Variants in SLC4A4 observed in about 807,000 individuals in gnomAD.
The protein encoded by SLC4A4 is electrogenic sodium bicarbonate cotransporter 1.
In SLC4A4, 27 loss-of-function variants were observed where a neutral mutation model predicts 111.5. The observed-to-expected ratio is 0.24, with a 90% CI of 0.18 to 0.33. The LOEUF (loss-of-function observed/expected upper bound fraction) is 0.33. Among genes scored for constraint, SLC4A4 ranks in the 10% least tolerant of loss-of-function variants. SLC4A4 has a pLI of 1.00. For synonymous variants in SLC4A4, 443 were observed against 463.4 expected (o/e 0.96, Z 0.57); for missense variants, 909 against 1,315.5 (o/e 0.69, Z 4.78).
At chr4:71,209,515 T>C (rs1717998923) in intron 1 of SLC4A4, among the ~76,000 whole-genome samples, 1 of 152,388 alleles carries the variant, frequency 6.6e-6, no homozygotes, top group Non-Finnish European at 1.5e-5. Context: ...CTAATAAAGA[T>C]GTATCATAAA....
intron 24 of SLC4A4, among the ~76,000 whole-genome samples, chr4:71,564,372 A>T (rs1411582333): frequency 2.0e-5 from 3 of 151,902 alleles, no homozygotes; most frequent in Non-Finnish European, 2.9e-5. Flanking sequence ...ATTAGCAATC[A>T]TGAAGTATTA....
At chr4:71,101,592 T>G (rs951462107) in intron 2 of SLC4A4, among the ~76,000 whole-genome samples, 9 of 152,284 alleles carry the variant, frequency 5.9e-5, no homozygotes, top group African/African-American at 2.2e-4. Flanking sequence ...GCAGACTGCC[T>G]CCTCAGGTGG....
At chr4:71,404,311 G>A (rs1218483166) in intron 7 of SLC4A4, among the ~76,000 whole-genome samples, 1 of 152,136 alleles carries the variant, frequency 6.6e-6, no homozygotes, top group Non-Finnish European at 1.5e-5. Context: ...AGTCTTTGTG[G>A]TTCAGAAAGG....
At chr4:71,190,811 A>G (rs1228998758) in intron 1 of SLC4A4, among the ~76,000 whole-genome samples, 2 of 152,226 alleles carry the variant, frequency 1.3e-5, no homozygotes, top group Non-Finnish European at 2.9e-5. Context: ...CAAAGGAGAG[A>G]TAAAACTTTT....
intron 7 of SLC4A4, among the ~76,000 whole-genome samples, chr4:71,426,417 C>T (rs1411053578): frequency 6.6e-6 from 1 of 152,040 alleles, no homozygotes; most frequent in African/African-American, 2.4e-5. Context: ...TCAGATAAGC[C>T]GCCTACTTCC....
intron 2 of SLC4A4, among the ~76,000 whole-genome samples, chr4:71,120,954 A>G (rs1043410331): frequency 5.3e-5 from 8 of 152,202 alleles, no homozygotes; most frequent in Non-Finnish European, 8.8e-5. Flanking sequence ...GAACCAGGGC[A>G]GCACGCCGCC....
intron 1 of SLC4A4, among the ~76,000 whole-genome samples, chr4:71,066,226 C>G (rs2148928056): frequency 6.6e-6 from 1 of 152,274 alleles, no homozygotes; most frequent in South Asian, 2.1e-4. Context: ...AGATTTGAAC[C>G]AGGATCTCTC....
At chr4:71,088,704 C>T (rs1289033293) in intron 1 of SLC4A4, among the ~76,000 whole-genome samples, 2 of 151,932 alleles carry the variant, frequency 1.3e-5, no homozygotes, top group African/African-American at 2.4e-5. Flanking sequence ...GGTGAAAATT[C>T]TTTTCTTTAA....
intron 1 of SLC4A4, among the ~76,000 whole-genome samples, chr4:71,202,285 G>T (rs995077054): frequency 2.0e-5 from 3 of 152,172 alleles, no homozygotes; most frequent in Non-Finnish European, 4.4e-5. Flanking sequence ...TCATGGAGAT[G>T]CAGTCTCTGC....
intron 16 of SLC4A4, among the ~76,000 whole-genome samples, chr4:71,513,436 CT>C (rs1732102423): frequency 6.6e-6 from 1 of 151,920 alleles, no homozygotes; most frequent in African/African-American, 2.4e-5. Context: ...TTGGCTAGAT[CT>C]TGGTGTATAG....
At chr4:71,399,723 A>T (rs1720183988) in intron 7 of SLC4A4, among the ~76,000 whole-genome samples, 1 of 151,730 alleles carries the variant, frequency 6.6e-6, no homozygotes, top group African/African-American at 2.4e-5. Context: ...CTGAAATCTG[A>T]TGTTATCCGT....
intron 1 of SLC4A4, among the ~76,000 whole-genome samples, chr4:71,083,844 A>T (rs750350255): frequency 2.1e-5 from 3 of 141,332 alleles, no homozygotes; most frequent in Non-Finnish European, 4.5e-5. Flanking sequence ...TTGAGGGTTA[A>T]ATGAAATAAT....
At chr4:71,505,362 T>A (rs1731318310) in intron 16 of SLC4A4, among the ~76,000 whole-genome samples, 2 of 152,064 alleles carry the variant, frequency 1.3e-5, no homozygotes, top group Non-Finnish European at 2.9e-5. Flanking sequence ...GCATCTGCTA[T>A]TTTTTGACCT....
intron 11 of SLC4A4, among the ~76,000 whole-genome samples, chr4:71,452,595 A>G (rs926017951): frequency 1.3e-5 from 2 of 152,178 alleles, no homozygotes; most frequent in Admixed American, 1.3e-4. Flanking sequence ...CAAGGTCAAG[A>G]CTTCGGAGAG....
At chr4:71,547,082 G>A (rs999779906) in intron 19 of SLC4A4, among the ~76,000 whole-genome samples, 1 of 151,944 alleles carries the variant, frequency 6.6e-6, no homozygotes, top group Non-Finnish European at 1.5e-5. Context: ...CAGAGCCATC[G>A]TTTCCCACGG....
chr4:71,065,579 A>AAT (rs769504453), intron 1 of SLC4A4, among the ~76,000 whole-genome samples: 317 of 152,116 alleles, frequency 2.1e-3, no homozygotes, highest in African/African-American at 7.4e-3. Flanking sequence ...TCTATTTGAC[A>AAT]ATATATATAT....
At position 71,338,148 on chromosome 4, in the gene SLC4A4, A is replaced by G. The variant is rs563590416; in HGVS notation, c.254-1222A>G. Among the ~76,000 whole-genome samples, 50 of 152,196 alleles carry G rather than the reference A, an allele frequency of 3.3e-4. 1 individual carries two copies. The highest frequency in any genetic ancestry group is 2.9e-3 in the Admixed American group (45 of 15,274). On this transcript the variant is annotated intron_variant, in intron 3 of 25. Transcript: ENST00000264485. ...GCGCCCTGCCATTTTTTGACATTTT[A>G]ATAGGTGAAACACATTTTATTTTAA...
intron 4 of SLC4A4, among the ~76,000 whole-genome samples, chr4:71,348,451 C>A (rs1001616862): frequency 1.3e-5 from 2 of 151,990 alleles, no homozygotes; most frequent in East Asian, 3.9e-4. Flanking sequence ...TTGGTGCTAT[C>A]GTTGACTTTT....
At chr4:71,354,631 T>A (rs1730123130) in intron 5 of SLC4A4, among the ~76,000 whole-genome samples, 1 of 152,242 alleles carries the variant, frequency 6.6e-6, no homozygotes, top group South Asian at 2.1e-4. Flanking sequence ...TCCATTCTTC[T>A]GTCACATGGC....
Sources: gnomAD v4.1 joint callset for allele counts (sites outside exome capture counted in the v4.1 genomes callset) on GRCh38, gnomAD v4.1.1 for gene constraint, MANE v1.5 for transcripts, NCBI Gene and HGNC (gene_info 2026-07-23, HGNC 2026-07-21) for gene names.